Variants in DYRK1A observed in about 807,000 individuals in gnomAD.
DYRK1A encodes the protein dual specificity tyrosine phosphorylation regulated kinase 1A.
DYRK1A carries 9 observed loss-of-function variants against 79.7 expected under a neutral mutation model. That is an observed-to-expected ratio of 0.11 (90% CI 0.07 to 0.20). DYRK1A has a LOEUF of 0.20. Among genes scored for constraint, DYRK1A ranks in the 10% least tolerant of loss-of-function variants. The pLI, the probability that DYRK1A is intolerant of heterozygous loss-of-function variation, is 1.00. For synonymous variants in DYRK1A, 349 were observed against 329.7 expected, an observed-to-expected ratio of 1.06 and a Z score of -0.63; for missense variants, 622 against 956.0, an observed-to-expected ratio of 0.65 and a Z score of 4.61.
intron 1 of DYRK1A, among the ~76,000 whole-genome samples, chr21:37,399,220 G>A: frequency 6.6e-6 from 1 of 152,144 alleles, no homozygotes; most frequent in East Asian, 1.9e-4. Flanking sequence ...CAATGGTGGG[G>A]CCAAATCTGG....
intron 2 of DYRK1A, among the ~76,000 whole-genome samples, chr21:37,468,092 A>T (rs374850910): frequency 1.4e-4 from 21 of 152,120 alleles, no homozygotes; most frequent in Non-Finnish European, 2.5e-4. Context: ...AGGAACTTAC[A>T]TGGAATAGCC....
chr21:37,369,412 T>C (rs2049384993), intron 1 of DYRK1A, among the ~76,000 whole-genome samples: 1 of 152,250 alleles, frequency 6.6e-6, no homozygotes, highest in Admixed American at 6.5e-5. Context: ...TACTTGATTA[T>C]AGTCAAGATT....
rs1049765 is a variant in DYRK1A, at chr21:37,478,249, C to T, written c.249C>T (p.Pro83=). The T allele has an allele frequency of 3.1e-6, 5 of 1,614,044 alleles. No homozygotes were observed. Among genetic ancestry groups the T allele is most frequent in the Non-Finnish European group, 4.2e-6 (5 of 1,179,938 alleles). ...PQTFRDPATA[P]LRKLSVDLIK... ...CCTTCCGTGACCCAGCAACTGCTCC[C>T]CTGAGAAAACTTTCTGTTGACTTGA... is the stretch of plus-strand genomic sequence containing the variant. The change falls in exon 4 of 12, where the codon CCC becomes CCT. Residue 83 remains proline, a synonymous_variant. Transcript: ENST00000647188.
chr21:37,408,568 A>G (rs2050189713), intron 1 of DYRK1A, among the ~76,000 whole-genome samples: 1 of 152,234 alleles, frequency 6.6e-6, no homozygotes, highest in Admixed American at 6.5e-5. Flanking sequence ...ATAATTATAT[A>G]AATTTTTTTT....
Position 37,512,785 on chromosome 21 carries a change from C to T in DYRK1A, c.*254C>T. 2.2e-6 allele frequency: 1 copy of T among 459,554 alleles called. No individual in the cohort carries two copies. The highest frequency in any genetic ancestry group is 3.8e-6 in the Non-Finnish European group (1 of 260,964). 28.5% of individuals were successfully genotyped at this position (459,554 alleles called of 1,614,324 possible). ...TTTTTGCTCCCCCATTTTAACTTGC[C>T]ACATCCCAGTCACAGTGGGGTTTTT... On this transcript the variant is annotated 3_prime_UTR_variant, in exon 12 of 12. Coordinates refer to ENST00000647188, the MANE Select transcript of DYRK1A (RefSeq NM_001347721.2).
At chr21:37,441,573 T>C (rs1219786003) in intron 2 of DYRK1A, among the ~76,000 whole-genome samples, 2 of 152,130 alleles carry the variant, frequency 1.3e-5, no homozygotes, top group Non-Finnish European at 2.9e-5. Flanking sequence ...TTTTTTAAAT[T>C]TAGTGGTTTC....
intron 2 of DYRK1A, among the ~76,000 whole-genome samples, chr21:37,462,720 C>T (rs2051883772): frequency 1.3e-5 from 2 of 152,136 alleles, no homozygotes; most frequent in South Asian, 2.1e-4. Context: ...GTCTCTGCAG[C>T]ACAGTGAGAT....
At chr21:37,460,711 A>G (rs1049704419) in intron 2 of DYRK1A, among the ~76,000 whole-genome samples, 5 of 152,130 alleles carry the variant, frequency 3.3e-5, no homozygotes, top group African/African-American at 1.2e-4. Flanking sequence ...AATAGGTTTC[A>G]TTACTGATTA....
Position 37,518,976 on chromosome 21 carries a change from T to A in DYRK1A, c.*6445T>A, listed in dbSNP as rs1344327969. 2 of 152,172 alleles carry A rather than the reference T, an allele frequency of 1.3e-5. No individual in the cohort carries two copies. Among genetic ancestry groups the A allele is most frequent in the Admixed American group, 1.3e-4 (2 of 15,274 alleles). 9.4% of individuals were successfully genotyped at this position (152,172 alleles called of 1,614,324 possible). A position where few individuals can be genotyped will look rare whatever the true frequency, so the allele number is the denominator to read the frequency against. On this transcript the variant is annotated 3_prime_UTR_variant, in exon 12 of 12. Transcript: ENST00000647188. The stretch of plus-strand genomic sequence containing the variant: ...TACATAGAGTAATGGATAATTAAAA[T>A]TTTCAATTTATGGTGCATTACAAAA...
chr21:37,410,386 G>A (rs1021157315), intron 1 of DYRK1A, among the ~76,000 whole-genome samples: 4 of 152,146 alleles, frequency 2.6e-5, no homozygotes, highest in Non-Finnish European at 5.9e-5. Context: ...TTATGACTAG[G>A]GATTGGAAGC....
intron 2 of DYRK1A, among the ~76,000 whole-genome samples, chr21:37,446,711 C>A (rs1303093028): frequency 6.6e-6 from 1 of 151,962 alleles, no homozygotes; most frequent in Non-Finnish European, 1.5e-5. Context: ...GCAGATGAGC[C>A]TTGGAAAAGG....
chr21:37,389,972 G>A (rs372753168), intron 1 of DYRK1A, among the ~76,000 whole-genome samples: 155 of 150,396 alleles, frequency 1.0e-3, no homozygotes, highest in African/African-American at 3.0e-3. Context: ...TGCCTGGGAT[G>A]GAATGCAGTG....
intron 1 of DYRK1A, among the ~76,000 whole-genome samples, chr21:37,378,987 A>G (rs2049603524): frequency 6.6e-6 from 1 of 151,372 alleles, no homozygotes; most frequent in African/African-American, 2.5e-5. Flanking sequence ...TCATGTGGGC[A>G]ATGGGTGGTG....
rs1049277124 is a variant in DYRK1A, at chr21:37,513,272, C to T, written c.*741C>T. ...GAAGATAGGATGGAACGTGACTGGT[C>T]TCCTAACCAAGGTGCACTGAGAAGC... On this transcript the variant is annotated 3_prime_UTR_variant, in exon 12 of 12. Coordinates refer to ENST00000647188, the MANE Select transcript of DYRK1A (RefSeq NM_001347721.2). 6.5e-6 allele frequency: 1 copy of T among 152,730 alleles called. No homozygotes were observed. The highest frequency in any genetic ancestry group is 6.5e-5 in the Admixed American group (1 of 15,274). The allele number at this position is 152,730 out of a possible 1,614,324, so 9.5% of individuals were successfully genotyped here.
chr21:37,433,882 A>T (rs868129308), intron 2 of DYRK1A, among the ~76,000 whole-genome samples: 1 of 152,200 alleles, frequency 6.6e-6, no homozygotes. Flanking sequence ...GTTTCTAAAA[A>T]TATAGTTTCT....
At chr21:37,458,320 GTATTA>G (rs1001302057) in intron 2 of DYRK1A, among the ~76,000 whole-genome samples, 9 of 121,144 alleles carry the variant, frequency 7.4e-5, no homozygotes, top group East Asian at 2.7e-4. Flanking sequence ...ATATACATAT[GTATTA>G]TATTTTAAAA....
At chr21:37,452,811 A>C (rs576576174) in intron 2 of DYRK1A, among the ~76,000 whole-genome samples, 1 of 150,098 alleles carries the variant, frequency 6.7e-6, no homozygotes, top group Non-Finnish European at 1.5e-5. Context: ...GCAAAATACA[A>C]ACTCCAGGAG....
In DYRK1A at chr21:37,519,539, T is replaced by A. The variant is rs1228088303; in HGVS notation, c.*7008T>A. 1 of 152,136 alleles carries A rather than the reference T, an allele frequency of 6.6e-6. No individual in the cohort carries two copies. Among genetic ancestry groups the A allele is most frequent in the African/African-American group, 2.4e-5 (1 of 41,414 alleles). The allele number at this position is 152,136 out of a possible 1,614,324, so 9.4% of individuals were successfully genotyped here. ...AGTCCACAGCCTGAATGGAACTTCT[T>A]TTTCTACGTAAATACAGCAAACAAT... is the stretch of plus-strand genomic sequence containing the variant. On this transcript the variant is annotated 3_prime_UTR_variant, in exon 12 of 12. Coordinates refer to ENST00000647188, the MANE Select transcript of DYRK1A (RefSeq NM_001347721.2).
chr21:37,409,496 A>G (rs1333244220), intron 1 of DYRK1A, among the ~76,000 whole-genome samples: 1 of 152,166 alleles, frequency 6.6e-6, no homozygotes, highest in Non-Finnish European at 1.5e-5. Context: ...GTCCATTGTC[A>G]TGAACTTTTT....
Sources: allele counts gnomAD v4.1 joint callset (sites outside exome capture counted in the v4.1 genomes callset), GRCh38; gene constraint gnomAD v4.1.1; transcripts MANE v1.5; gene names NCBI Gene and HGNC (gene_info 2026-07-23, HGNC 2026-07-21).